The following LEMD2 variants were observed in gnomAD, a reference collection of about 807,000 sequenced individuals.
LEMD2 encodes the protein LEM domain nuclear envelope protein 2.
A neutral mutation model predicts 58.8 loss-of-function variants in LEMD2; 34 were observed. The ratio of observed to expected loss-of-function variants is 0.58; its 90% confidence interval spans 0.44 to 0.77. LEMD2 has a LOEUF of 0.77. Ranked by LOEUF, LEMD2 falls within the 30% of genes least tolerant of loss-of-function variation. LEMD2 has a pLI of 0.00. For missense variants in LEMD2, 629 were observed against 717.9 expected (o/e 0.88, Z 1.42); for synonymous variants, 298 against 308.9 (o/e 0.96, Z 0.37).
At position 33,778,131 on chromosome 6, in the gene LEMD2, T is replaced by C. The variant is rs987522397; in HGVS notation, c.1156+111A>G. On this transcript the variant is annotated intron_variant, in intron 6 of 8. Coordinates refer to ENST00000293760, the MANE Select transcript of LEMD2 (RefSeq NM_181336.4). This position sits in a 1 kb window ranked among gnomAD's most constrained non-coding sequence, Gnocchi z 4.7. ...TCTGTTTTATGAGACAGACCTCAGG[T>C]TCACTAGACAGAAATGAACCCTCCG... The C allele has an allele frequency of 5.2e-5, 55 of 1,065,966 alleles. No individual in the cohort carries two copies. Among genetic ancestry groups the C allele is most frequent in the East Asian group, 2.9e-5 (1 of 34,216 alleles). 66.0% of individuals were successfully genotyped at this position (1,065,966 alleles called of 1,614,324 possible). A position where few individuals can be genotyped will look rare whatever the true frequency, so the allele number is the denominator to read the frequency against.
chr6:33,779,959 C>A (rs1582257071), intron 5 of LEMD2, 141 bp downstream of exon 5: 1 of 694,024 alleles, frequency 1.4e-6, no homozygotes, highest in East Asian at 2.8e-5. Flanking sequence ...CCACTTCCAT[C>A]CTAACCCACA....
At position 33,772,595 on chromosome 6, in the gene LEMD2, C is replaced by G. The variant is rs371328599; in HGVS notation, c.*33G>C. The G allele has an allele frequency of 2.5e-6, 4 of 1,599,790 alleles. No individual in the cohort carries two copies. The South Asian group carries it at 3.4e-5, about 14-fold the overall frequency. ...GCCTCTGGAGTGGGCTGTCCTGGGA[C>G]AGGCTGACCGGGAACAAGTCCCCGC... On this transcript the variant is annotated 3_prime_UTR_variant, in exon 9 of 9. Coordinates refer to ENST00000293760, the MANE Select transcript of LEMD2 (RefSeq NM_181336.4).
Position 33,789,001 on chromosome 6 carries a change from CG to C in LEMD2, c.115del (p.Arg39GlyfsTer77). 6.4e-7 allele frequency: 1 copy of C among 1,551,206 alleles called. No homozygotes were observed. The highest frequency in any genetic ancestry group is 8.7e-7 in the Non-Finnish European group (1 of 1,155,966). ...DVYRNKLRRLRGEARLRDEER... is the reference protein window; with the variant it reads ...DVYRNKLRRLXGEARLRDEER... ...CTCGTCGCGCAGCCGGGCCTCGCCC[CG>C]CAGGCGGCGCAGCTTGTTGCGGTAG... is the stretch of plus-strand genomic sequence containing the variant. On this transcript the variant is annotated frameshift_variant, in exon 1 of 9. Coordinates refer to ENST00000293760, the MANE Select transcript of LEMD2 (RefSeq NM_181336.4). LOFTEE classifies it high-confidence loss of function.
Position 33,789,128 on chromosome 6 carries a change from C to A in LEMD2, c.-12G>T. The A allele has an allele frequency of 6.7e-7, 1 of 1,490,582 alleles. No homozygotes were observed. The highest frequency in any genetic ancestry group is 8.8e-7 in the Non-Finnish European group (1 of 1,130,446). The allele number at this position is 1,490,582 out of a possible 1,614,324, so 92.3% of individuals were successfully genotyped here. A position where few individuals can be genotyped will look rare whatever the true frequency, so the allele number is the denominator to read the frequency against. On this transcript the variant is annotated 5_prime_UTR_variant, in exon 1 of 9. Transcript: ENST00000293760. ...GACAGGCCGGCCATGGCCAGGACGC[C>A]GCCCCCCGCCCGCCCCTGGCGCGCA...
intron 8 of LEMD2, among the ~76,000 whole-genome samples, chr6:33,775,008 G>A (rs894607400): frequency 7.9e-5 from 12 of 152,132 alleles, no homozygotes; most frequent in African/African-American, 2.9e-4. Flanking sequence ...TAGTCTCTTC[G>A]TCACAGCCCT....
chr6:33,777,756 GC>G (rs1437902995), intron 6 of LEMD2, among the ~76,000 whole-genome samples: 1 of 152,216 alleles, frequency 6.6e-6, no homozygotes, highest in Non-Finnish European at 1.5e-5. Flanking sequence ...CTCAAAGGCG[GC>G]CCCCGATGTC....
chr6:33,779,794 T>C (rs1301473534), intron 5 of LEMD2: 6 of 283,930 alleles, frequency 2.1e-5, no homozygotes, highest in African/African-American at 4.3e-5. Flanking sequence ...CAACAAACCA[T>C]GTGGTGTTGT....
intron 8 of LEMD2, among the ~76,000 whole-genome samples, chr6:33,773,603 G>T (rs914923531): frequency 1.3e-5 from 2 of 149,182 alleles, no homozygotes; most frequent in African/African-American, 4.9e-5. Flanking sequence ...GCGGGGGGGG[G>T]GCTAGGGCTT....
At chr6:33,787,008 T>C (rs924932085) in intron 1 of LEMD2, 2 of 903,986 alleles carry the variant, frequency 2.2e-6, no homozygotes, top group Admixed American at 3.6e-5. Context: ...TGAAAATGAT[T>C]AGCTCAAGTT....
intron 2 of LEMD2, among the ~76,000 whole-genome samples, chr6:33,785,589 C>A (rs890472566): frequency 1.3e-5 from 2 of 152,136 alleles, no homozygotes; most frequent in Non-Finnish European, 2.9e-5. Flanking sequence ...GAAATAGAAA[C>A]CATGGAACTT....
rs1397025847 is a variant in LEMD2 at position 33,772,637 on chromosome 6, T to C, written c.1503A>G (p.Ser501=). 2 of 1,613,616 alleles carry C rather than the reference T, an allele frequency of 1.2e-6. No homozygotes were observed. The highest frequency in any genetic ancestry group is 1.7e-6 in the Non-Finnish European group (2 of 1,179,886). The change falls in exon 9 of 9, where the codon TCA becomes TCG. Residue 501 remains serine (S), a synonymous_variant. Transcript: ENST00000293760. ...RWTKPSSFSD[S]ER is the part of the protein sequence containing the mutation. ...AGTCCCCGCCCGGGGCTTATCGCTCTGAGTCAGAGAAGGAAGAGGGCTTAG... is the reference window on the plus strand; with the variant it reads ...AGTCCCCGCCCGGGGCTTATCGCTCCGAGTCAGAGAAGGAAGAGGGCTTAG...
rs1582258545 is a variant in LEMD2 at position 33,781,213 on chromosome 6, T to C, written c.854-60A>G. ...AAGGAAAAATCACTCTGAAACAGAC[T>C]AAAAAATGCAGCAAGAATCAAGCCA... On this transcript the variant is annotated intron_variant, in intron 3 of 8. Transcript: ENST00000293760. The C allele has an allele frequency of 6.4e-6, 7 of 1,087,246 alleles. No individual in the cohort carries two copies. In the East Asian group the frequency reaches 1.7e-4, roughly 26 times the overall value. 67.3% of individuals were successfully genotyped at this position (1,087,246 alleles called of 1,614,324 possible).
rs1354839675 is a variant in LEMD2, at chr6:33,772,740, A to T, written c.1400T>A (p.Phe467Tyr). 6.2e-7 allele frequency: 1 copy of T among 1,613,836 alleles called. No individual in the cohort carries two copies. Among genetic ancestry groups the T allele is most frequent in the Non-Finnish European group, 8.5e-7 (1 of 1,179,988 alleles). The change falls in exon 9 of 9, where the codon TTC becomes TAC. Residue 467 changes from phenylalanine (F) to tyrosine (Y), a missense_variant. Phe to Tyr is a conservative substitution (Grantham distance 22). This residue lies in a region of LEMD2 where 243 missense variants were observed against 336.8 expected (regional missense o/e 0.72). Transcript: ENST00000293760. Reference protein sequence around the residue: ...MKRVWDRAVEFLASNESRIQT... With the variant: ...MKRVWDRAVEYLASNESRIQT... ...GATCCGGGATTCGTTGGAGGCCAGG[A>T]ACTCCACAGCTCGGTCCCAGACACG...
intron 1 of LEMD2, chr6:33,786,987 C>A: frequency 9.3e-7 from 1 of 1,077,908 alleles, no homozygotes; most frequent in Non-Finnish European, 1.3e-6. Context: ...TAGCTGGGTC[C>A]TTGTCCCAGC....
rs759849590 is a variant in LEMD2, at chr6:33,777,064, A to T, written c.1259-8T>A. ...AATGGTCCTGGACCACGTCTGCAGGAGAGAGCACACCATTTAGGGCAAGGA... is the reference window on the plus strand; with the variant it reads ...AATGGTCCTGGACCACGTCTGCAGGTGAGAGCACACCATTTAGGGCAAGGA... On this transcript the variant is annotated splice_polypyrimidine_tract_variant and splice_region_variant and intron_variant, in intron 7 of 8. Coordinates refer to ENST00000293760, the MANE Select transcript of LEMD2 (RefSeq NM_181336.4). 2.9e-5 allele frequency: 46 copies of T among 1,613,514 alleles called. No individual in the cohort carries two copies. In the East Asian group the frequency reaches 9.4e-4, roughly 33 times the overall value.
Position 33,788,617 on chromosome 6 carries a change from GGAGACGCTGCCCACCAGCGGCGGGCCGC to G in LEMD2, c.472_499del (p.Ala158ProfsTer53). On this transcript the variant is annotated frameshift_variant, in exon 1 of 9. Coordinates refer to ENST00000293760, the MANE Select transcript of LEMD2 (RefSeq NM_181336.4). LOFTEE classifies it high-confidence loss of function. ...GGAGGAAGGCAGCCGCGCCGGGGCG[GGAGACGCTGCCCACCAGCGGCGGGCCGC>G]GAGACCCGGGCCCTGCGTGGCCCTG... 7.8e-7 allele frequency: 1 copy of G among 1,275,502 alleles called. No individual in the cohort carries two copies. 79.0% of individuals were successfully genotyped at this position (1,275,502 alleles called of 1,614,324 possible).
rs1561929019 is a variant in LEMD2 at position 33,788,456 on chromosome 6, G to A, written c.661C>T (p.Leu221=). The A allele has an allele frequency of 5.7e-6, 9 of 1,572,784 alleles. No homozygotes were observed. Among genetic ancestry groups the A allele is most frequent in the Non-Finnish European group, 7.8e-6 (9 of 1,160,480 alleles). Residue 221 remains leucine, a synonymous_variant, in exon 1 of 9, where the codon CTA becomes TTA. Transcript: ENST00000293760. ...SRLLLWASLG[L]LLVFLGILWV... ...AGGATGCCCAGGAAGACGAGCAGTA[G>A]CCCTAGGCTGGCCCAGAGCAGAAGC...
At chr6:33,777,464 C>G (rs545856639) in intron 6 of LEMD2, among the ~76,000 whole-genome samples, 1 of 152,238 alleles carries the variant, frequency 6.6e-6, no homozygotes, top group Non-Finnish European at 1.5e-5. Flanking sequence ...GTCACCACAG[C>G]GGCATCCCCA....
chr6:33,775,495 TG>T (rs766703903), intron 8 of LEMD2, among the ~76,000 whole-genome samples: 3 of 152,128 alleles, frequency 2.0e-5, no homozygotes, highest in Non-Finnish European at 4.4e-5. Flanking sequence ...ATCTATTTTT[TG>T]TAGAGATGGG....
Sources: allele counts gnomAD v4.1 joint callset (sites outside exome capture counted in the v4.1 genomes callset), GRCh38; gene constraint gnomAD v4.1.1; regional missense constraint gnomAD v4.1.1; non-coding constraint Gnocchi (gnomAD v3.1); transcripts MANE v1.5; gene names NCBI Gene and HGNC (gene_info 2026-07-23, HGNC 2026-07-21).